TARBP1: variants seen among roughly 807,000 people sequenced by gnomAD.
TARBP1 encodes tRNA (guanosine(18)-2'-O)-methyltransferase TARBP1.
Under a neutral mutation model 178.6 loss-of-function variants are expected in TARBP1, and 144 were observed. The ratio of observed to expected loss-of-function variants is 0.81; its 90% confidence interval spans 0.70 to 0.93. The LOEUF is 0.93. TARBP1 is among the 40% of genes least tolerant of loss of function. The probability of loss-of-function intolerance (pLI) is 0.00; values close to 1 mark genes in which losing one functional copy is unlikely to be tolerated. For synonymous variants in TARBP1, 787 were observed against 781.0 expected (o/e 1.01, Z -0.13); for missense variants, 2,067 against 2,011.7 (o/e 1.03, Z -0.53).
At position 234,478,324 on chromosome 1, in the gene TARBP1, C is replaced by T; in HGVS notation, c.780G>A (p.Arg260=). 7.3e-7 allele frequency: 1 copy of T among 1,367,540 alleles called. No homozygotes were observed. The highest frequency in any genetic ancestry group is 9.4e-7 in the Non-Finnish European group (1 of 1,060,834). 84.7% of individuals were successfully genotyped at this position (1,367,540 alleles called of 1,614,324 possible). A position where few individuals can be genotyped will look rare whatever the true frequency, so the allele number is the denominator to read the frequency against. ...CCGTCCTCCAGAAGCGCCAGCAGCG[C>T]CGGGCGTCCGGGCCCGCCTCGCGCG... is the stretch of plus-strand genomic sequence containing the variant. The part of the protein sequence containing the change: ...RGAREAGPDA[R]RCWRFWRTVQ... The change falls in exon 1 of 30, where the codon CGG becomes CGA. Residue 260 remains arginine (R), a synonymous_variant. Coordinates refer to ENST00000040877, the MANE Select transcript of TARBP1 (RefSeq NM_005646.4).
In TARBP1 at chr1:234,430,111, T is replaced by G. The variant is rs1370436816; in HGVS notation, c.2585A>C (p.Tyr862Ser). The change falls in exon 15 of 30, where the codon TAT becomes TCT. Residue 862 changes from tyrosine (Y) to serine (S), a missense_variant. By Grantham distance (144) the Tyr-to-Ser change is moderately radical. Coordinates refer to ENST00000040877, the MANE Select transcript of TARBP1 (RefSeq NM_005646.4). ...QKPHAEEQSS[Y>S]AHPLECSSVL... Reference sequence around the variant, plus strand: ...CCTGCTGCACTCCAAGGGGTGAGCATAACTGCTCTGCTCCTCTGCGTGGGG... The same window carrying G: ...CCTGCTGCACTCCAAGGGGTGAGCAGAACTGCTCTGCTCCTCTGCGTGGGG... The G allele has an allele frequency of 6.2e-7, 1 of 1,614,014 alleles. No homozygotes were observed. The highest frequency in any genetic ancestry group is 8.5e-7 in the Non-Finnish European group (1 of 1,179,898).
intron 15 of TARBP1, 121 bp from the exon 16 acceptor site, chr1:234,429,798 T>C (rs1247452274): frequency 3.5e-5 from 40 of 1,155,172 alleles, no homozygotes; most frequent in Non-Finnish European, 4.2e-5. Flanking sequence ...ATATAAATGG[T>C]CATTATCAAA....
chr1:234,433,613 C>T, intron 13 of TARBP1, 42 bp from the exon 14 acceptor site: 1 of 1,556,294 alleles, frequency 6.4e-7, no homozygotes, highest in South Asian at 1.2e-5. Context: ...AAGCAAGGTC[C>T]ATGATTTTCA....
At chr1:234,457,345 T>C (rs1308709342) in intron 9 of TARBP1, among the ~76,000 whole-genome samples, 2 of 152,196 alleles carry the variant, frequency 1.3e-5, no homozygotes, top group Non-Finnish European at 2.9e-5. Flanking sequence ...AAGAGGAGTT[T>C]GTGTCACTTA....
intron 22 of TARBP1, among the ~76,000 whole-genome samples, chr1:234,414,755 C>T (rs1482107316): frequency 6.6e-6 from 1 of 152,100 alleles, no homozygotes; most frequent in African/African-American, 2.4e-5. Context: ...GAGGCCGAAG[C>T]GGGCAGATCA....
Position 234,420,167 on chromosome 1 carries a change from A to G in TARBP1, c.3555+535T>C, listed in dbSNP as rs575566863. On this transcript the variant is annotated intron_variant, in intron 21 of 29. Coordinates refer to ENST00000040877, the MANE Select transcript of TARBP1 (RefSeq NM_005646.4). Reference sequence around the variant, plus strand: ...TCAACTGTTTCTTGCCTCCTCAGGGAAGAAAAGGTAACTTTGGATAAAGAT... The same window carrying G: ...TCAACTGTTTCTTGCCTCCTCAGGGGAGAAAAGGTAACTTTGGATAAAGAT... 5.3e-5 allele frequency among the ~76,000 whole-genome samples: 8 copies of G among 152,342 alleles called. No individual in the cohort carries two copies. In the South Asian group the frequency reaches 1.7e-3, roughly 32 times the overall value.
intron 12 of TARBP1, among the ~76,000 whole-genome samples, chr1:234,439,428 T>C (rs1665367782): frequency 1.3e-5 from 2 of 152,136 alleles, no homozygotes; most frequent in Admixed American, 1.3e-4. Flanking sequence ...GTACAAAGTA[T>C]ATGTACTGCA....
In TARBP1 at chr1:234,418,210, G is replaced by A. The variant is rs745725230; in HGVS notation, c.3579C>T (p.Asp1193=). The change falls in exon 22 of 30, where the codon GAC becomes GAT. Residue 1193 remains aspartate (D), a synonymous_variant. Transcript: ENST00000040877. ...TGGTGAAACCAGCCTGGAAAATCCT[G>A]TCAATAATTCCATTCAAGAAATTCT... ...LDQNFLNGII[D]RIFQAGFTNN... The A allele has an allele frequency of 2.6e-6, 4 of 1,556,312 alleles. No individual in the cohort carries two copies. Among genetic ancestry groups the A allele is most frequent in the African/African-American group, 1.4e-5 (1 of 71,066 alleles).
At chr1:234,426,181 T>C (rs903380979) in intron 19 of TARBP1, among the ~76,000 whole-genome samples, 6 of 152,212 alleles carry the variant, frequency 3.9e-5, no homozygotes, top group Non-Finnish European at 7.3e-5. Flanking sequence ...AACACGTCAA[T>C]GGCCTGTCTC....
At chr1:234,464,337 C>T (rs1668211094) in intron 5 of TARBP1, among the ~76,000 whole-genome samples, 1 of 152,126 alleles carries the variant, frequency 6.6e-6, no homozygotes, top group Admixed American at 6.5e-5. Flanking sequence ...ACATTCATAG[C>T]AAAGACATAT....
rs368216470 is a variant in TARBP1 at position 234,392,341 on chromosome 1, CA to C, written c.4697+74del. The C allele has an allele frequency of 6.6e-5, 100 of 1,521,788 alleles. No individual in the cohort carries two copies. The Middle Eastern group carries it at 7.1e-4, about 11-fold the overall frequency. 94.3% of individuals were successfully genotyped at this position (1,521,788 alleles called of 1,614,324 possible). On this transcript the variant is annotated intron_variant, in intron 29 of 29. Coordinates refer to ENST00000040877, the MANE Select transcript of TARBP1 (RefSeq NM_005646.4). ...ACAGAGTGAGACTCCGTCTCAAAAA[CA>C]AAAAAAAACAAGGTAACATCTTCCA...
chr1:234,470,126 G>T (rs928542873), intron 3 of TARBP1, among the ~76,000 whole-genome samples: 1 of 152,014 alleles, frequency 6.6e-6, no homozygotes, highest in Non-Finnish European at 1.5e-5. Context: ...AATTAGCCAG[G>T]TGTGGTGGCG....
intron 24 of TARBP1, chr1:234,405,494 G>A (rs1354949320): frequency 6.2e-6 from 1 of 162,076 alleles, no homozygotes; most frequent in Non-Finnish European, 1.4e-5. Context: ...CGGAATAGGA[G>A]AGTTCTCTTA....
intron 26 of TARBP1, among the ~76,000 whole-genome samples, chr1:234,394,808 G>C (rs927309542): frequency 2.0e-5 from 3 of 152,196 alleles, no homozygotes; most frequent in African/African-American, 7.2e-5. Flanking sequence ...AATTTATTCT[G>C]TTGGCCAGGC....
intron 15 of TARBP1, 47 bp from the exon 16 acceptor site, chr1:234,429,724 T>C: frequency 7.3e-7 from 1 of 1,378,132 alleles, no homozygotes; most frequent in South Asian, 1.3e-5. Context: ...CCAATTTGCC[T>C]CCACGTCTTT....
chr1:234,457,889 A>G, intron 8 of TARBP1, 133 bp from the exon 9 acceptor site: 3 of 552,322 alleles, frequency 5.4e-6, no homozygotes, highest in East Asian at 3.7e-5. Flanking sequence ...AAGAAAGCAA[A>G]TATCATTAGC....
At chr1:234,472,327 T>C (rs1333317417) in intron 2 of TARBP1, among the ~76,000 whole-genome samples, 1 of 32,444 alleles carries the variant, frequency 3.1e-5, no homozygotes, top group African/African-American at 1.4e-4. Flanking sequence ...AGACTCTGTC[T>C]CCAAAAAAAA....
chr1:234,450,488 A>T lies in TARBP1; in HGVS notation c.1801T>A (p.Ser601Thr). Reference protein sequence around the residue: ...TCSSIGLHKTSLNAYVKSIVQ... With the variant: ...TCSSIGLHKTTLNAYVKSIVQ... ...ATGCTCTTTACATAAGCATTTAAAG[A>T]TGTCTTGTGAAGTCCAATGGAGCTA... Residue 601 changes from serine to threonine, a missense_variant, in exon 10 of 30, where the codon TCT (serine) becomes ACT (threonine). Physicochemically the swap from Ser to Thr is moderately conservative, Grantham distance 58. Transcript: ENST00000040877. The T allele has an allele frequency of 6.2e-7, 1 of 1,611,880 alleles. No homozygotes were observed. Among genetic ancestry groups the T allele is most frequent in the East Asian group, 2.2e-5 (1 of 44,682 alleles).
chr1:234,425,977 T>C (rs568796690), intron 19 of TARBP1, among the ~76,000 whole-genome samples, 184 bp from the exon 20 acceptor site: 1 of 152,304 alleles, frequency 6.6e-6, no homozygotes, highest in Admixed American at 6.5e-5. Flanking sequence ...CAAATGAATA[T>C]ATTACAAGGA....
Sources: allele counts gnomAD v4.1 joint callset (sites outside exome capture counted in the v4.1 genomes callset), GRCh38; gene constraint gnomAD v4.1.1; transcripts MANE v1.5; gene names NCBI Gene and HGNC (gene_info 2026-07-23, HGNC 2026-07-21).